TMEM132D: variants seen among roughly 807,000 people sequenced by gnomAD.
TMEM132D encodes the protein mature OL transmembrane protein.
A neutral mutation model predicts 62.3 loss-of-function variants in TMEM132D; 21 were observed. The ratio of observed to expected loss-of-function variants is 0.34; its 90% CI spans 0.24 to 0.49. The LOEUF (loss-of-function observed/expected upper bound fraction) is 0.49, where lower values mean the gene tolerates loss of function less well. Ranked by LOEUF, TMEM132D falls within the 20% of genes least tolerant of loss-of-function variation. The pLI, the probability that TMEM132D is intolerant of heterozygous loss-of-function variation, is 0.99. For missense variants in TMEM132D, 1,346 were observed against 1,402.8 expected, an observed-to-expected ratio of 0.96 and a Z score of 0.65; for synonymous variants, 621 against 575.6, an observed-to-expected ratio of 1.08 and a Z score of -1.13.
At chr12:129,355,445 C>T (rs975712342) in intron 3 of TMEM132D, among the ~76,000 whole-genome samples, 3 of 151,950 alleles carry the variant, frequency 2.0e-5, no homozygotes, top group African/African-American at 7.3e-5. Context: ...GTGGGGGAAG[C>T]GGAGAGTGAA....
chr12:129,442,923 C>T (rs532656571), intron 3 of TMEM132D, among the ~76,000 whole-genome samples: 1 of 152,060 alleles, frequency 6.6e-6, no homozygotes, highest in East Asian at 1.9e-4. Flanking sequence ...TGGCTGACAA[C>T]CTCTGAAATT....
intron 1 of TMEM132D, among the ~76,000 whole-genome samples, chr12:129,847,098 C>T (rs1262417320): frequency 1.3e-5 from 2 of 152,182 alleles, no homozygotes; most frequent in African/African-American, 2.4e-5. Flanking sequence ...TTAATCCAGC[C>T]TGTGCTTGAA....
At chr12:129,540,054 T>A (rs923055096) in intron 2 of TMEM132D, among the ~76,000 whole-genome samples, 1 of 101,286 alleles carries the variant, frequency 9.9e-6, no homozygotes, top group Non-Finnish European at 1.9e-5. Flanking sequence ...TTAAGCCTAG[T>A]CTGTGGGCTT....
At chr12:129,333,113 T>C (rs542287909) in intron 4 of TMEM132D, among the ~76,000 whole-genome samples, 1 of 152,324 alleles carries the variant, frequency 6.6e-6, no homozygotes, top group East Asian at 1.9e-4. Flanking sequence ...AAATGCTTAA[T>C]AGGAAATAAA....
rs1877062151 is a variant in TMEM132D at position 129,151,237 on chromosome 12, G to A, written c.1443+58283C>T. The stretch of plus-strand genomic sequence containing the variant: ...ACAGCGATCCAGAGGTGTTAATAGT[G>A]GAGTAGCTCTGGTGTCCAGCAACAT... On this transcript the variant is annotated intron_variant, in intron 5 of 8. Transcript: ENST00000422113. Among the ~76,000 whole-genome samples, 3 of 152,210 alleles carry A rather than the reference G, an allele frequency of 2.0e-5. No individual in the cohort carries two copies. In the South Asian group the frequency reaches 6.2e-4, roughly 31 times the overall value.
chr12:129,644,670 T>A (rs1159273703), intron 2 of TMEM132D, among the ~76,000 whole-genome samples: 6 of 151,784 alleles, frequency 4.0e-5, no homozygotes, highest in Admixed American at 2.6e-4. Flanking sequence ...GTGAATAAAA[T>A]GAAGGAAATT....
chr12:129,658,455 C>A (rs1413603478), intron 2 of TMEM132D, among the ~76,000 whole-genome samples: 1 of 152,096 alleles, frequency 6.6e-6, no homozygotes, highest in Admixed American at 6.6e-5. Context: ...GCTATAAATG[C>A]GGCCTCTACA....
At chr12:129,184,539 G>A (rs1852379412) in intron 5 of TMEM132D, among the ~76,000 whole-genome samples, 1 of 152,228 alleles carries the variant, frequency 6.6e-6, no homozygotes, top group Non-Finnish European at 1.5e-5. Flanking sequence ...GACTAGCCCA[G>A]AAGGGCTGGG....
At chr12:129,833,021 C>T (rs1872890934) in intron 1 of TMEM132D, among the ~76,000 whole-genome samples, 1 of 152,186 alleles carries the variant, frequency 6.6e-6, no homozygotes, top group African/African-American at 2.4e-5. Context: ...ACACTGATGC[C>T]TCTCGCAAAT....
chr12:129,736,475 A>C (rs1869426070), intron 1 of TMEM132D, among the ~76,000 whole-genome samples: 1 of 152,234 alleles, frequency 6.6e-6, no homozygotes, highest in Non-Finnish European at 1.5e-5. Flanking sequence ...GATTGCAAGG[A>C]AATTAACATG....
At chr12:129,275,908 C>T (rs1880992548) in intron 4 of TMEM132D, among the ~76,000 whole-genome samples, 1 of 152,214 alleles carries the variant, frequency 6.6e-6, no homozygotes. Flanking sequence ...GCTGTGAGGT[C>T]GAGTTGGAAA....
At chr12:129,735,505 T>C (rs541415129) in intron 1 of TMEM132D, among the ~76,000 whole-genome samples, 2 of 152,248 alleles carry the variant, frequency 1.3e-5, no homozygotes, top group Admixed American at 1.3e-4. Context: ...GAAACAAAAA[T>C]ACAGGACCCT....
intron 2 of TMEM132D, among the ~76,000 whole-genome samples, chr12:129,549,632 C>A (rs941409552): frequency 2.0e-5 from 3 of 152,142 alleles, no homozygotes; most frequent in Admixed American, 1.3e-4. Flanking sequence ...TATAAATTAC[C>A]CAGTCGCAGG....
intron 1 of TMEM132D, among the ~76,000 whole-genome samples, chr12:129,806,700 A>T: frequency 6.6e-6 from 1 of 152,230 alleles, no homozygotes; most frequent in East Asian, 1.9e-4. Context: ...TAATAATAAA[A>T]GAAAAAAATA....
At chr12:129,625,757 C>A (rs1342728717) in intron 2 of TMEM132D, among the ~76,000 whole-genome samples, 1 of 152,208 alleles carries the variant, frequency 6.6e-6, no homozygotes, top group Non-Finnish European at 1.5e-5. Context: ...ACCTTCAACA[C>A]AATTTGTCAC....
At chr12:129,775,161 T>G (rs1870878472) in intron 1 of TMEM132D, among the ~76,000 whole-genome samples, 1 of 152,250 alleles carries the variant, frequency 6.6e-6, no homozygotes, top group Non-Finnish European at 1.5e-5. Context: ...AGATGTATTC[T>G]TCAGCTGTTC....
intron 3 of TMEM132D, among the ~76,000 whole-genome samples, chr12:129,459,749 A>G (rs994149063): frequency 6.6e-6 from 1 of 152,194 alleles, no homozygotes; most frequent in African/African-American, 2.4e-5. Context: ...ACTTTTATCC[A>G]TGTATAACAG....
chr12:129,413,598 A>T lies in TMEM132D; in HGVS notation c.1116-75781T>A, dbSNP rs77417417. Among the ~76,000 whole-genome samples the T allele has an allele frequency of 1.8e-3, 277 of 152,296 alleles. 2 individuals carry two copies. The highest frequency in any genetic ancestry group is 6.3e-3 in the African/African-American group (263 of 41,560). Reference sequence around the variant, plus strand: ...GTTGATATTGGAGAGAATTAGATACATCCTTTTCTTTTTTTGGCAAGCACC... The same window carrying T: ...GTTGATATTGGAGAGAATTAGATACTTCCTTTTCTTTTTTTGGCAAGCACC... On this transcript the variant is annotated intron_variant, in intron 3 of 8. Coordinates refer to ENST00000422113, the MANE Select transcript of TMEM132D (RefSeq NM_133448.3).
intron 2 of TMEM132D, among the ~76,000 whole-genome samples, chr12:129,623,838 A>C: frequency 6.6e-6 from 1 of 151,938 alleles, no homozygotes; most frequent in South Asian, 2.1e-4. Flanking sequence ...AGTTGATTCC[A>C]TATCTTGGCA....
Sources: allele counts gnomAD v4.1 joint callset (sites outside exome capture counted in the v4.1 genomes callset), GRCh38; gene constraint gnomAD v4.1.1; transcripts MANE v1.5; gene names NCBI Gene and HGNC (gene_info 2026-07-23, HGNC 2026-07-21).